The following GCG variants were observed in gnomAD, a reference collection of about 807,000 sequenced individuals.
GCG encodes the protein pro-glucagon.
Under a neutral mutation model 22.8 loss-of-function variants are expected in GCG, and 11 were observed. That is an observed-to-expected ratio of 0.48 (90% CI 0.30 to 0.80). The LOEUF is 0.80. GCG is among the 30% of genes least tolerant of loss of function. The pLI is 0.06. For synonymous variants in GCG, 89 were observed against 72.4 expected (o/e 1.23, Z -1.16); for missense variants, 222 against 222.0 (o/e 1.00, Z 0.00).
In GCG at chr2:162,147,264, C is replaced by G. The variant is rs771481972; in HGVS notation, c.254+89G>C. On this transcript the variant is annotated intron_variant, in intron 3 of 5. Transcript: ENST00000418842. ...ATCAGGGCTTATGGGCACTATTTGACGAGCATAAGAACTTAATAATGTCAA... is the reference window on the plus strand; with the variant it reads ...ATCAGGGCTTATGGGCACTATTTGAGGAGCATAAGAACTTAATAATGTCAA... The G allele has an allele frequency of 5.8e-5, 55 of 950,950 alleles. 1 individual carries two copies. Among genetic ancestry groups the G allele is most frequent in the Non-Finnish European group, 8.4e-5 (51 of 608,186 alleles). The allele number at this position is 950,950 out of a possible 1,614,324, so 58.9% of individuals were successfully genotyped here.
intron 1 of GCG, among the ~76,000 whole-genome samples, 192 bp from the exon 2 acceptor site, chr2:162,149,379 TGGAG>T: frequency 6.6e-6 from 1 of 152,144 alleles, no homozygotes; most frequent in African/African-American, 2.4e-5. Context: ...CCAGATTTTT[TGGAG>T]GCAAAAAAGG....
intron 1 of GCG, among the ~76,000 whole-genome samples, chr2:162,150,301 A>G (rs1686801591): frequency 1.3e-5 from 2 of 152,156 alleles, no homozygotes; most frequent in South Asian, 4.1e-4. Context: ...TTGAATGAAT[A>G]TTTTTAGCAA....
At chr2:162,145,348 C>G in intron 4 of GCG, 192 bp downstream of exon 4, 1 of 489,438 alleles carries the variant, frequency 2.0e-6, no homozygotes, top group Non-Finnish European at 3.5e-6. Context: ...CTGTTTGGCT[C>G]TATTATTAAT....
chr2:162,145,587 A>C lies in GCG; in HGVS notation c.345T>G (p.Ala115=). Residue 115 remains alanine (A), a synonymous_variant, in exon 4 of 6, where the codon GCT becomes GCG. Transcript: ENST00000418842. ...SDVSSYLEGQ[A]AKEFIAWLVK... is the part of the protein sequence containing the mutation. ...CCAGCCAAGCAATGAATTCCTTGGCAGCTTGGCCTTCCAAATAAGAACTTA... is the reference window on the plus strand; with the variant it reads ...CCAGCCAAGCAATGAATTCCTTGGCCGCTTGGCCTTCCAAATAAGAACTTA... 1 of 1,612,140 alleles carries C rather than the reference A, an allele frequency of 6.2e-7. No homozygotes were observed. Among genetic ancestry groups the C allele is most frequent in the Admixed American group, 1.7e-5 (1 of 59,848 alleles).
chr2:162,143,862 A>G, intron 5 of GCG, 165 bp downstream of exon 5: 1 of 654,794 alleles, frequency 1.5e-6, no homozygotes, highest in Non-Finnish European at 2.7e-6. Context: ...ATGATACAAA[A>G]CAAACATAAT....
At chr2:162,145,748 G>A (rs77708839) in intron 3 of GCG, 71 bp from the exon 4 acceptor site, 22,128 of 1,326,700 alleles carry the variant, frequency 0.017, 249 homozygotes, top group Non-Finnish European at 0.02. Context: ...ATAAGCAGTG[G>A]CAACTTTGGG....
At chr2:162,147,579 T>C (rs372666219) in intron 2 of GCG, 65 bp from the exon 3 acceptor site, 641 of 1,364,034 alleles carry the variant, frequency 4.7e-4, no homozygotes, top group Non-Finnish European at 6.0e-4. Flanking sequence ...TTGAGAAGCA[T>C]CTTCACTACA....
chr2:162,151,985 T>C (rs1281327813), intron 1 of GCG, among the ~76,000 whole-genome samples, 173 bp downstream of exon 1: 1 of 152,212 alleles, frequency 6.6e-6, no homozygotes. Context: ...TTCGCTATAT[T>C]AAAGTACACG....
At chr2:162,148,735 C>T (rs1398436990) in intron 2 of GCG, among the ~76,000 whole-genome samples, 1 of 151,856 alleles carries the variant, frequency 6.6e-6, no homozygotes, top group African/African-American at 2.4e-5. Context: ...AGAAATAATG[C>T]TATTTTTTAA....
intron 5 of GCG, among the ~76,000 whole-genome samples, chr2:162,143,644 C>A (rs1326363125): frequency 6.6e-6 from 1 of 152,120 alleles, no homozygotes; most frequent in African/African-American, 2.4e-5. Context: ...GTTCTCACTA[C>A]TCTTCTTATT....
At chr2:162,152,111 A>T (rs948091711) in intron 1 of GCG, 47 bp downstream of exon 1, 1 of 152,642 alleles carries the variant, frequency 6.6e-6, no homozygotes, top group Non-Finnish European at 1.5e-5. Context: ...CCTTAAAAAT[A>T]CTTCACTGTC....
intron 1 of GCG, among the ~76,000 whole-genome samples, chr2:162,150,030 C>T (rs1282800482): frequency 6.6e-6 from 1 of 152,094 alleles, no homozygotes; most frequent in African/African-American, 2.4e-5. Flanking sequence ...TAGGATACAC[C>T]TGATTGCTTG....
At chr2:162,148,084 T>C (rs993035319) in intron 2 of GCG, among the ~76,000 whole-genome samples, 25 of 152,268 alleles carry the variant, frequency 1.6e-4, no homozygotes, top group African/African-American at 6.0e-4. Flanking sequence ...GGTAAATACA[T>C]GGGAAAATAG....
chr2:162,143,398 A>T (rs1686600300), intron 5 of GCG, 28 bp from the exon 6 acceptor site: 5 of 855,308 alleles, frequency 5.8e-6, no homozygotes, highest in Non-Finnish European at 9.3e-6. Flanking sequence ...AAAATGATTT[A>T]ACATAATTAT....
chr2:162,144,834 T>C (rs1342079192), intron 4 of GCG: 1 of 152,054 alleles, frequency 6.6e-6, no homozygotes, highest in Admixed American at 6.6e-5. Flanking sequence ...CCAAAAAAAA[T>C]CGGAAGAAAA....
chr2:162,144,365 T>A (rs1273362364), intron 4 of GCG, 195 bp from the exon 5 acceptor site: 2 of 568,084 alleles, frequency 3.5e-6, no homozygotes, highest in Non-Finnish European at 6.3e-6. Context: ...GTAGCAGAGC[T>A]GGGATCTAAT....
In GCG at chr2:162,151,078, T is replaced by G. The variant is rs375700519; in HGVS notation, c.-10+1080A>C. Among the ~76,000 whole-genome samples the G allele has an allele frequency of 2.6e-4, 40 of 152,252 alleles. No individual in the cohort carries two copies. The East Asian group carries it at 6.0e-3, about 23-fold the overall frequency. On this transcript the variant is annotated intron_variant, in intron 1 of 5. Coordinates refer to ENST00000418842, the MANE Select transcript of GCG (RefSeq NM_002054.5). ...TGAGAAAGTAGAGATTTATGTTATT[T>G]TAGTATTAAAATCTTATTCAATAAG...
chr2:162,146,538 TTCTCTCTCTCTCTCTCTCTC>T lies in GCG; in HGVS notation c.254+795_254+814del, dbSNP rs59717414. Among the ~76,000 whole-genome samples, 296 of 133,510 alleles carry T rather than the reference TTCTCTCTCTCTCTCTCTCTC, an allele frequency of 2.2e-3. 3 individuals carry two copies. The highest frequency in any genetic ancestry group is 8.8e-3 in the African/African-American group (289 of 32,666). The allele number at this position is 133,510 out of a possible 152,430, so 87.6% of individuals were successfully genotyped here. Reference sequence around the variant, plus strand: ...TTCTCCTATTCCTCCTGCTTGCTTGTTCTCTCTCTCTCTCTCTCTCTCTCTCTCTCTCTCTCCTTTCTTAC... The same window carrying T: ...TTCTCCTATTCCTCCTGCTTGCTTGTTCTCTCTCTCTCTCTCCTTTCTTAC... On this transcript the variant is annotated intron_variant, in intron 3 of 5. Coordinates refer to ENST00000418842, the MANE Select transcript of GCG (RefSeq NM_002054.5).
chr2:162,149,092 T>A lies in GCG; in HGVS notation c.87A>T (p.Lys29Asn). ...WQRSLQDTEE[K>N]SRSFSASQAD... The stretch of plus-strand genomic sequence containing the variant: ...CGAGACTACGGATTTAATACCTGGA[T>A]TTCTCCTCTGTGTCTTGAAGGGAAC... The change falls in exon 2 of 6, where the codon AAA (lysine) becomes AAT (asparagine). Residue 29 changes from lysine to asparagine, a missense_variant. Transcript: ENST00000418842. The A allele has an allele frequency of 6.3e-7, 1 of 1,595,688 alleles. No individual in the cohort carries two copies. The highest frequency in any genetic ancestry group is 8.6e-7 in the Non-Finnish European group (1 of 1,163,694).
Sources: allele counts gnomAD v4.1 joint callset (sites outside exome capture counted in the v4.1 genomes callset), GRCh38; gene constraint gnomAD v4.1.1; transcripts MANE v1.5; gene names NCBI Gene and HGNC (gene_info 2026-07-23, HGNC 2026-07-21).